The following KCNQ3 variants were observed in gnomAD, a reference collection of about 807,000 sequenced individuals.
KCNQ3 encodes potassium voltage-gated channel subfamily Q member 3, also known as potassium voltage-gated channel subfamily KQT member 3.
Under a neutral mutation model 92.5 loss-of-function variants are expected in KCNQ3, and 30 were observed. That is an observed-to-expected ratio of 0.32 (90% CI 0.24 to 0.44). The LOEUF (loss-of-function observed/expected upper bound fraction) is 0.44, where lower values mean the gene tolerates loss of function less well. Among genes scored for constraint, KCNQ3 ranks in the 20% least tolerant of loss-of-function variants. The probability of loss-of-function intolerance (pLI) is 1.00; values close to 1 mark genes in which losing one functional copy is unlikely to be tolerated. For synonymous variants in KCNQ3, 450 were observed against 468.8 expected, an observed-to-expected ratio of 0.96 and a Z score of 0.52; for missense variants, 913 against 1,140.3, an observed-to-expected ratio of 0.80 and a Z score of 2.87.
rs1586801275 is a variant in KCNQ3 at position 132,175,539 on chromosome 8, C to T, written c.847G>A (p.Glu283Lys). Residue 283 changes from glutamate (E) to lysine (K), a missense_variant, in exon 5 of 15, where the codon GAG becomes AAG. Physicochemically the swap from Glu to Lys is moderately conservative, Grantham distance 56. Coordinates refer to ENST00000388996, the MANE Select transcript of KCNQ3 (RefSeq NM_004519.4). ...ILSSFLVYLV[E>K]KDVPEVDAQG... The stretch of plus-strand genomic sequence containing the variant: ...GCATCCACCTCTGGGACGTCTTTCT[C>T]AACCAGGTAGACAAGAAATGAAGAA... 6.2e-7 allele frequency: 1 copy of T among 1,614,146 alleles called. No homozygotes were observed. The highest frequency in any genetic ancestry group is 8.5e-7 in the Non-Finnish European group (1 of 1,180,000).
chr8:132,364,208 C>T (rs1819251944), intron 1 of KCNQ3, among the ~76,000 whole-genome samples: 1 of 152,112 alleles, frequency 6.6e-6, no homozygotes, highest in South Asian at 2.1e-4. Flanking sequence ...CAAATTAGGA[C>T]ACAGGATGTG....
At chr8:132,351,306 T>C (rs80185292) in intron 1 of KCNQ3, among the ~76,000 whole-genome samples, 4,503 of 152,310 alleles carry the variant, frequency 0.03, 238 homozygotes, top group African/African-American at 0.1. Context: ...AACTGGTTTG[T>C]GTGTGACCTC....
At chr8:132,200,131 C>A (rs1011031465) in intron 1 of KCNQ3, among the ~76,000 whole-genome samples, 1 of 152,106 alleles carries the variant, frequency 6.6e-6, no homozygotes, top group Non-Finnish European at 1.5e-5. Context: ...ATAAATAACA[C>A]AGACAAATCT....
At position 132,480,460 on chromosome 8, in the gene KCNQ3, C is replaced by T. The variant is rs1280461599; in HGVS notation, c.73G>A (p.Ala25Thr). ...GGDGGGGGGG[A>T]ANPAGGDAAA... ...GCGTCCCCTCCGGCTGGGTTAGCCGCCCCGCCGCCTCCGCCGCCCCCGTCG... is the reference window on the plus strand; with the variant it reads ...GCGTCCCCTCCGGCTGGGTTAGCCGTCCCGCCGCCTCCGCCGCCCCCGTCG... The change falls in exon 1 of 15, where the codon GCG becomes ACG. Residue 25 changes from alanine (A) to threonine (T), a missense_variant. By Grantham distance (58) the Ala-to-Thr change is moderately conservative. Around this residue, in one of 6 missense-constraint regions of KCNQ3, gnomAD observed 183 missense variants for 167.7 expected, o/e 1.09. Coordinates refer to ENST00000388996, the MANE Select transcript of KCNQ3 (RefSeq NM_004519.4). 2.3e-5 allele frequency: 30 copies of T among 1,283,554 alleles called. No homozygotes were observed. Among genetic ancestry groups the T allele is most frequent in the Non-Finnish European group, 2.8e-5 (29 of 1,019,714 alleles). The allele number at this position is 1,283,554 out of a possible 1,614,324, so 79.5% of individuals were successfully genotyped here. A position where few individuals can be genotyped will look rare whatever the true frequency, so the allele number is the denominator to read the frequency against.
Position 132,229,277 on chromosome 8 carries a change from A to G in KCNQ3, c.387-43096T>C, listed in dbSNP as rs889555546. Among the ~76,000 whole-genome samples, 4 of 145,108 alleles carry G rather than the reference A, an allele frequency of 2.8e-5. No homozygotes were observed. The Admixed American group carries it at 2.8e-4, about 10-fold the overall frequency. On this transcript the variant is annotated intron_variant, in intron 1 of 14. Coordinates refer to ENST00000388996, the MANE Select transcript of KCNQ3 (RefSeq NM_004519.4). ...CTCCGTCTCAAAAAAAAAAAAAAAA[A>G]TTCTGGATATGAGGTAAAGAAAGCC...
At chr8:132,193,499 G>A (rs1563798734) in intron 1 of KCNQ3, among the ~76,000 whole-genome samples, 1 of 152,200 alleles carries the variant, frequency 6.6e-6, no homozygotes, top group Non-Finnish European at 1.5e-5. Context: ...GCAGATGTGA[G>A]GGATGACCAC....
intron 1 of KCNQ3, among the ~76,000 whole-genome samples, chr8:132,293,866 G>A (rs1816931291): frequency 6.6e-6 from 1 of 152,148 alleles, no homozygotes; most frequent in Non-Finnish European, 1.5e-5. Context: ...TTGGGATTGA[G>A]CCAGGGAGTC....
At chr8:132,156,396 CTG>C (rs1423203617) in intron 9 of KCNQ3, among the ~76,000 whole-genome samples, 1 of 152,098 alleles carries the variant, frequency 6.6e-6, no homozygotes, top group African/African-American at 2.4e-5. Flanking sequence ...TAGTCTGACT[CTG>C]GACTCTGTCC....
chr8:132,195,896 A>G (rs1202835079), intron 1 of KCNQ3, among the ~76,000 whole-genome samples: 1 of 152,194 alleles, frequency 6.6e-6, no homozygotes, highest in Non-Finnish European at 1.5e-5. Context: ...ATGGACTTCA[A>G]GACAAAAATT....
In KCNQ3 at chr8:132,129,840, T is replaced by C; in HGVS notation, c.2041A>G (p.Lys681Glu). The C allele has an allele frequency of 6.2e-7, 1 of 1,614,168 alleles. No individual in the cohort carries two copies. The highest frequency in any genetic ancestry group is 2.2e-5 in the East Asian group (1 of 44,864). ...KKEDNRYSDL[K>E]TIICNYSETG... ...TCAGAATAGTTGCAGATGATGGTTT[T>C]CAAATCGGAATACCTGTTGTCCTCC... The change falls in exon 15 of 15, where the codon AAA (lysine) becomes GAA (glutamate). Residue 681 changes from lysine to glutamate, a missense_variant. Lys to Glu is a moderately conservative substitution (Grantham distance 56). Transcript: ENST00000388996. This position sits in a 1 kb window ranked among gnomAD's most constrained non-coding sequence, Gnocchi z 5.9.
At chr8:132,264,380 G>A (rs573967590) in intron 1 of KCNQ3, among the ~76,000 whole-genome samples, 18 of 152,122 alleles carry the variant, frequency 1.2e-4, no homozygotes, top group Admixed American at 3.3e-4. Flanking sequence ...GAGGGGCCAC[G>A]TATTGGGGTC....
At chr8:132,445,940 T>C (rs1175472086) in intron 1 of KCNQ3, among the ~76,000 whole-genome samples, 1 of 152,182 alleles carries the variant, frequency 6.6e-6, no homozygotes, top group Non-Finnish European at 1.5e-5. Flanking sequence ...ACTTTATAAT[T>C]TTCCAAGCAA....
intron 1 of KCNQ3, among the ~76,000 whole-genome samples, chr8:132,300,171 G>A (rs1292874881): frequency 1.3e-5 from 2 of 152,184 alleles, no homozygotes; most frequent in Non-Finnish European, 2.9e-5. Flanking sequence ...TGCCTATTAA[G>A]GGAAAGAAAG....
At chr8:132,276,835 C>T (rs1047484449) in intron 1 of KCNQ3, among the ~76,000 whole-genome samples, 2 of 152,170 alleles carry the variant, frequency 1.3e-5, no homozygotes, top group Admixed American at 6.5e-5. Flanking sequence ...GAGGTCATGT[C>T]CTAGTCTGTA....
intron 1 of KCNQ3, among the ~76,000 whole-genome samples, chr8:132,289,880 C>T (rs530722037): frequency 1.2e-4 from 18 of 152,272 alleles, no homozygotes; most frequent in African/African-American, 4.3e-4. Context: ...CCTGTGACTG[C>T]ATCCTTGGTA....
At chr8:132,323,933 G>A (rs1461160128) in intron 1 of KCNQ3, among the ~76,000 whole-genome samples, 1 of 152,100 alleles carries the variant, frequency 6.6e-6, no homozygotes, top group Non-Finnish European at 1.5e-5. Context: ...TGGCAATCAA[G>A]ACCCTCCAGT....
At chr8:132,324,243 A>C (rs1280930680) in intron 1 of KCNQ3, among the ~76,000 whole-genome samples, 2 of 152,166 alleles carry the variant, frequency 1.3e-5, no homozygotes, top group Non-Finnish European at 2.9e-5. Flanking sequence ...CCTTTAGCTT[A>C]TACATGCTTC....
chr8:132,479,994 C>CACACACACACA (rs1554660748), intron 1 of KCNQ3, among the ~76,000 whole-genome samples, 153 bp downstream of exon 1: 7 of 111,098 alleles, frequency 6.3e-5, no homozygotes, highest in South Asian at 3.5e-4. Context: ...ACACACACAC[C>CACACACACACA]CAGGGAAACG....
chr8:132,477,402 T>A (rs976975662), intron 1 of KCNQ3, among the ~76,000 whole-genome samples: 2 of 150,650 alleles, frequency 1.3e-5, no homozygotes, highest in African/African-American at 4.9e-5. Flanking sequence ...TAAGCCCAAT[T>A]TCCTGGGCCC....
Sources: allele counts gnomAD v4.1 joint callset (sites outside exome capture counted in the v4.1 genomes callset), GRCh38; gene constraint gnomAD v4.1.1; regional missense constraint gnomAD v4.1.1; non-coding constraint Gnocchi (gnomAD v3.1); transcripts MANE v1.5; gene names NCBI Gene and HGNC (gene_info 2026-07-23, HGNC 2026-07-21).